Variants in SLC5A4 observed in about 807,000 individuals in gnomAD.
SLC5A4 encodes the protein probable glucose sensor protein SLC5A4.
A neutral mutation model predicts 70.3 loss-of-function variants in SLC5A4; 55 were observed. That is an observed-to-expected ratio of 0.78 (90% CI 0.63 to 0.98). The LOEUF (loss-of-function observed/expected upper bound fraction) is 0.98. Among genes scored for constraint, SLC5A4 ranks in the 50% least tolerant of loss-of-function variants. The pLI is 0.00. For synonymous variants in SLC5A4, 268 were observed against 305.7 expected, an observed-to-expected ratio of 0.88 and a Z score of 1.29; for missense variants, 735 against 839.2, an observed-to-expected ratio of 0.88 and a Z score of 1.53.
chr22:32,242,623 T>C (rs1473639700), intron 5 of SLC5A4, among the ~76,000 whole-genome samples: 1 of 151,900 alleles, frequency 6.6e-6, no homozygotes, highest in Non-Finnish European at 1.5e-5. Flanking sequence ...GCAGGAGAAT[T>C]GCTTGAACCT....
the SLC5A4 span, chr22:32,271,608 T>C: frequency 7.4e-6 from 5 of 673,646 alleles, no homozygotes; most frequent in Middle Eastern, 2.6e-4. Flanking sequence ...TTCGAGGACA[T>C]TTATGGCTAC....
the SLC5A4 span, among the ~76,000 whole-genome samples, chr22:32,330,253 G>A: frequency 3.5e-3 from 345 of 99,454 alleles, 4 homozygotes; most frequent in African/African-American, 0.013. Context: ...CTGTGTTGGG[G>A]GGCTCTGGTG....
the SLC5A4 span, among the ~76,000 whole-genome samples, chr22:32,339,048 C>T: frequency 6.6e-6 from 1 of 152,230 alleles, no homozygotes; most frequent in African/African-American, 2.4e-5. Flanking sequence ...CCGGACAACT[C>T]GGTGGCCGCT....
chr22:32,318,714 C>CT, the SLC5A4 span, among the ~76,000 whole-genome samples: 2 of 152,174 alleles, frequency 1.3e-5, no homozygotes, highest in Admixed American at 6.5e-5. Flanking sequence ...CCAGAGAAGC[C>CT]CTGTGAAAAC....
the SLC5A4 span, among the ~76,000 whole-genome samples, chr22:32,352,133 T>C: frequency 1.1e-4 from 16 of 151,950 alleles, no homozygotes; most frequent in African/African-American, 2.2e-4. Flanking sequence ...TGGATGAAGC[T>C]GGAAACCATC....
At chr22:32,291,206 CT>C in the SLC5A4 span, among the ~76,000 whole-genome samples, 14,339 of 128,642 alleles carry the variant, frequency 0.11, 874 homozygotes, top group Non-Finnish European at 0.17. Context: ...TTTGACTGTT[CT>C]TTTTTTTTTT....
chr22:32,272,270 G>C, the SLC5A4 span: 1 of 803,978 alleles, frequency 1.2e-6, no homozygotes, highest in East Asian at 2.4e-5. Context: ...CCTTGACCAA[G>C]AACAAGTTCA....
At chr22:32,330,778 C>A in the SLC5A4 span, among the ~76,000 whole-genome samples, 1 of 69,674 alleles carries the variant, frequency 1.4e-5, no homozygotes, top group Non-Finnish European at 2.6e-5. Flanking sequence ...GTGTTGGGGG[C>A]TCTGGTGTGT....
the SLC5A4 span, among the ~76,000 whole-genome samples, chr22:32,336,830 T>C: frequency 6.6e-6 from 1 of 152,252 alleles, no homozygotes; most frequent in Non-Finnish European, 1.5e-5. Flanking sequence ...ACAGAGTTCC[T>C]TAAGGGCAGG....
chr22:32,328,755 G>C, the SLC5A4 span, among the ~76,000 whole-genome samples: 1 of 152,234 alleles, frequency 6.6e-6, no homozygotes, highest in South Asian at 2.1e-4. Flanking sequence ...CTGCTGACTT[G>C]TGGGGTACCT....
At chr22:32,330,876 CTGTGTAGGAGTGTT>C in the SLC5A4 span, among the ~76,000 whole-genome samples, 6 of 81,334 alleles carry the variant, frequency 7.4e-5, no homozygotes, top group Non-Finnish European at 6.9e-5. Flanking sequence ...GGAGGGTCTG[CTGTGTAGGAGTGTT>C]GGGGGCTCTC....
At chr22:32,287,716 C>T in the SLC5A4 span, among the ~76,000 whole-genome samples, 1 of 151,762 alleles carries the variant, frequency 6.6e-6, no homozygotes, top group Non-Finnish European at 1.5e-5. Context: ...AAACTCCTGA[C>T]ATCAGGTGAT....
At chr22:32,329,749 GGTGT>G in the SLC5A4 span, among the ~76,000 whole-genome samples, 13 of 48,224 alleles carry the variant, frequency 2.7e-4, 1 homozygote, top group South Asian at 8.0e-4. Flanking sequence ...TGGGGGCTCT[GGTGT>G]GTGTGTGTGT....
chr22:32,325,584 AC>A, the SLC5A4 span, among the ~76,000 whole-genome samples: 1 of 152,178 alleles, frequency 6.6e-6, no homozygotes, highest in African/African-American at 2.4e-5. Context: ...AGGTGTCTGG[AC>A]CTGATCCCGA....
chr22:32,336,971 C>T, the SLC5A4 span, among the ~76,000 whole-genome samples: 8 of 152,186 alleles, frequency 5.3e-5, no homozygotes, highest in Non-Finnish European at 8.8e-5. Flanking sequence ...ACAATGAACA[C>T]GGATTGTTCC....
At chr22:32,304,404 A>T in the SLC5A4 span, among the ~76,000 whole-genome samples, 2 of 152,010 alleles carry the variant, frequency 1.3e-5, no homozygotes, top group Non-Finnish European at 2.9e-5. Flanking sequence ...GCCTCTCAAA[A>T]GTACTGGGAT....
the SLC5A4 span, among the ~76,000 whole-genome samples, chr22:32,262,185 C>T: frequency 1.6e-3 from 246 of 152,238 alleles, no homozygotes; most frequent in African/African-American, 5.4e-3. Context: ...TGGATATATG[C>T]CCAACAGTGG....
the SLC5A4 span, among the ~76,000 whole-genome samples, chr22:32,260,508 C>CAAAAA: frequency 9.8e-3 from 1,227 of 124,860 alleles, 6 homozygotes; most frequent in Non-Finnish European, 0.016. Flanking sequence ...ATTTTGGTGA[C>CAAAAA]AAAAAAAAAA....
At chr22:32,241,861 G>GTGTA (rs150299105) in intron 5 of SLC5A4, among the ~76,000 whole-genome samples, 43,507 of 148,580 alleles carry the variant, frequency 0.29, 6,859 homozygotes, top group African/African-American at 0.32. Context: ...GTGTGTGTGT[G>GTGTA]TATATATATG....
Sources: allele counts gnomAD v4.1 joint callset (sites outside exome capture counted in the v4.1 genomes callset), GRCh38; gene constraint gnomAD v4.1.1; transcripts MANE v1.5; gene names NCBI Gene and HGNC (gene_info 2026-07-23, HGNC 2026-07-21).